Variants in GOLGA3 observed in about 807,000 individuals in gnomAD.
GOLGA3 encodes golgin subfamily A member 3.
A neutral mutation model predicts 169.4 loss-of-function variants in GOLGA3; 75 were observed. That is an observed-to-expected ratio of 0.44 (90% CI 0.37 to 0.54). The LOEUF (loss-of-function observed/expected upper bound fraction) is 0.54. Among genes scored for constraint, GOLGA3 ranks in the 20% least tolerant of loss-of-function variants. GOLGA3 has a pLI of 0.00. For missense variants in GOLGA3, 1,899 were observed against 1,930.0 expected, an observed-to-expected ratio of 0.98 and a Z score of 0.30; for synonymous variants, 824 against 822.4, an observed-to-expected ratio of 1.00 and a Z score of -0.03.
rs1593228079 is a variant in GOLGA3 at position 132,777,325 on chromosome 12, C to T, written c.3723-235G>A. ...AGATCCCAGAGACTCACTTTGCCGG[C>T]ACCCCTCACAGATCCCAGAGAGTGC... On this transcript the variant is annotated intron_variant, in intron 19 of 23. Transcript: ENST00000450791. The surrounding 1 kb of genome is among the most constrained non-coding windows in gnomAD (Gnocchi z 4.7). Among the ~76,000 whole-genome samples the T allele has an allele frequency of 6.6e-6, 1 of 152,282 alleles. No homozygotes were observed. The highest frequency in any genetic ancestry group is 2.4e-5 in the African/African-American group (1 of 41,562).
chr12:132,788,955 A>C, intron 13 of GOLGA3, 72 bp downstream of exon 13: 7 of 929,990 alleles, frequency 7.5e-6, no homozygotes, highest in African/African-American at 2.0e-5. Flanking sequence ...CCCCAGACAC[A>C]GGCCCCACCC....
In GOLGA3 at chr12:132,786,737, C is replaced by T. The variant is rs145969238; in HGVS notation, c.2862G>A (p.Glu954=). The stretch of plus-strand genomic sequence containing the variant: ...ACTCTTCGATTTGTTTCTTCAGCGC[C>T]TCATTGGCCTCTGTGACCGCGACCA... ...EQMVAVTEAN[E]ALKKQIEELQ... Residue 954 remains glutamate (E), a synonymous_variant, in exon 14 of 24, where the codon GAG becomes GAA. Coordinates refer to ENST00000450791, the MANE Select transcript of GOLGA3 (RefSeq NM_001389683.1). 721 of 1,613,590 alleles carry T rather than the reference C, an allele frequency of 4.5e-4. 1 individual carries two copies. The highest frequency in any genetic ancestry group is 5.8e-4 in the Non-Finnish European group (688 of 1,179,786).
chr12:132,807,766 C>CTTAGGCCCCCGAGGGA, intron 5 of GOLGA3, 125 bp downstream of exon 5: 1 of 206,708 alleles, frequency 4.8e-6, no homozygotes, highest in Non-Finnish European at 9.6e-6. Context: ...CTCTGCCCAC[C>CTTAGGCCCCCGAGGGA]CCGCCCCCTC....
rs759779055 is a variant in GOLGA3, at chr12:132,822,071, G to A, written c.58C>T (p.Pro20Ser). The change falls in exon 2 of 24, where the codon CCC becomes TCC. Residue 20 changes from proline (P) to serine (S), a missense_variant. Physicochemically the swap from Pro to Ser is moderately conservative, Grantham distance 74. Transcript: ENST00000450791. ...AGTGGGGCCTCGGGGAGAGACGAGG[G>A]GCCACTGTGGGATCTGTCCTCCTGG... ...GLQEDRSHSGPSSLPEAPLKP... is the reference protein window; with the variant it reads ...GLQEDRSHSGSSSLPEAPLKP... The A allele has an allele frequency of 3.1e-6, 5 of 1,606,636 alleles. No homozygotes were observed. The highest frequency in any genetic ancestry group is 4.5e-5 in the East Asian group (2 of 44,220).
At chr12:132,793,913 G>A (rs1948683799) in intron 11 of GOLGA3, among the ~76,000 whole-genome samples, 2 of 152,194 alleles carry the variant, frequency 1.3e-5, no homozygotes, top group South Asian at 4.1e-4. Context: ...TTAGGGCCTA[G>A]GTTTTCTGTC....
At chr12:132,780,250 A>T (rs1313822119) in intron 18 of GOLGA3, among the ~76,000 whole-genome samples, 1 of 152,168 alleles carries the variant, frequency 6.6e-6, no homozygotes, top group Admixed American at 6.5e-5. Context: ...CGGCAAGCGT[A>T]CTAGGAGTAG....
intron 13 of GOLGA3, 64 bp downstream of exon 13, chr12:132,788,963 C>CACAGGCCCCAT: frequency 2.1e-6 from 3 of 1,461,178 alleles, no homozygotes; most frequent in Non-Finnish European, 2.8e-6. Flanking sequence ...ACAGGCCCCA[C>CACAGGCCCCAT]CCTCCCGACA....
At chr12:132,824,955 G>A (rs941387593) in intron 1 of GOLGA3, among the ~76,000 whole-genome samples, 6 of 152,138 alleles carry the variant, frequency 3.9e-5, no homozygotes, top group African/African-American at 1.4e-4. Context: ...ACAAGGGGAG[G>A]AGCATCAGCA....
At chr12:132,815,748 A>T (rs774305298) in intron 3 of GOLGA3, among the ~76,000 whole-genome samples, 1 of 152,166 alleles carries the variant, frequency 6.6e-6, no homozygotes, top group East Asian at 1.9e-4. Flanking sequence ...CAAAAAATTA[A>T]AATTAGCCAG....
At chr12:132,799,442 T>C (rs1949025118) in intron 8 of GOLGA3, among the ~76,000 whole-genome samples, 1 of 152,214 alleles carries the variant, frequency 6.6e-6, no homozygotes, top group Non-Finnish European at 1.5e-5. Flanking sequence ...GTTCAAAACC[T>C]GCTTAGGCAA....
chr12:132,813,569 G>C, intron 3 of GOLGA3, 150 bp from the exon 4 acceptor site: 1 of 558,060 alleles, frequency 1.8e-6, no homozygotes, highest in South Asian at 2.1e-5. Flanking sequence ...ACAATTTCTA[G>C]ATCAAGAGAG....
At chr12:132,810,586 G>A (rs1300685983) in intron 4 of GOLGA3, among the ~76,000 whole-genome samples, 1 of 148,872 alleles carries the variant, frequency 6.7e-6, no homozygotes, top group Admixed American at 6.6e-5. Flanking sequence ...GGAGCTGAGG[G>A]GACACAGTGA....
Position 132,821,975 on chromosome 12 carries a change from CAG to C in GOLGA3, c.133+19_133+20del. On this transcript the variant is annotated intron_variant, in intron 2 of 23. Coordinates refer to ENST00000450791, the MANE Select transcript of GOLGA3 (RefSeq NM_001389683.1). Reference sequence around the variant, plus strand: ...ACCAGGTCCTCCTGTGACCAGCACACAGAGGAACCTCACGACTTACACTGGAC... The same window carrying C: ...ACCAGGTCCTCCTGTGACCAGCACACAGGAACCTCACGACTTACACTGGAC... 1 of 1,567,584 alleles carries C rather than the reference CAG, an allele frequency of 6.4e-7. No individual in the cohort carries two copies. The highest frequency in any genetic ancestry group is 8.7e-7 in the Non-Finnish European group (1 of 1,151,798).
At position 132,782,486 on chromosome 12, in the gene GOLGA3, T is replaced by C. The variant is rs1046311989; in HGVS notation, c.3275A>G (p.Glu1092Gly). The C allele has an allele frequency of 2.5e-6, 4 of 1,612,996 alleles. No homozygotes were observed. The highest frequency in any genetic ancestry group is 2.5e-6 in the Non-Finnish European group (3 of 1,179,046). ...KVLELEDELQ[E>G]SRGFRKKIKR... is the part of the protein sequence containing the mutation. ...TATCTTCTTCCTAAAGCCTCTGGAT[T>C]CTTGAAGCTGAAACATACCAATGTC... Residue 1092 changes from glutamate (E) to glycine (G), a missense_variant, in exon 17 of 24, where the codon GAA becomes GGA. Physicochemically the swap from Glu to Gly is moderately conservative, Grantham distance 98 (BLOSUM62 -2). Coordinates refer to ENST00000450791, the MANE Select transcript of GOLGA3 (RefSeq NM_001389683.1).
intron 16 of GOLGA3, 74 bp from the exon 17 acceptor site, chr12:132,782,567 G>T: frequency 8.2e-7 from 1 of 1,225,672 alleles, no homozygotes. Context: ...AAACAGGTGA[G>T]TTTTCAACAA....
At position 132,781,328 on chromosome 12, in the gene GOLGA3, G is replaced by A. The variant is rs937297954; in HGVS notation, c.3466-414C>T. Among the ~76,000 whole-genome samples the A allele has an allele frequency of 6.6e-5, 10 of 152,162 alleles. No individual in the cohort carries two copies. The South Asian group carries it at 1.0e-3, about 16-fold the overall frequency. ...TGTAATCCCAGCACTTTGGGAGGCCGAGGCAGGCGGATGACAGTCAGAAAA... is the reference window on the plus strand; with the variant it reads ...TGTAATCCCAGCACTTTGGGAGGCCAAGGCAGGCGGATGACAGTCAGAAAA... On this transcript the variant is annotated intron_variant, in intron 17 of 23. Coordinates refer to ENST00000450791, the MANE Select transcript of GOLGA3 (RefSeq NM_001389683.1).
intron 4 of GOLGA3, among the ~76,000 whole-genome samples, chr12:132,809,540 G>A (rs992988975): frequency 6.7e-6 from 1 of 148,876 alleles, no homozygotes; most frequent in African/African-American, 2.5e-5. Context: ...GCGTCTTCCC[G>A]TCTTCCCAGA....
In GOLGA3 at chr12:132,813,343, C is replaced by T. The variant is rs747493385; in HGVS notation, c.483G>A (p.Gln161=). The T allele has an allele frequency of 2.5e-6, 4 of 1,613,170 alleles. No homozygotes were observed. The highest frequency in any genetic ancestry group is 2.7e-5 in the African/African-American group (2 of 74,888). The part of the protein sequence containing the change: ...RLQARKWLEE[Q]LKQYRVKRQQ... The stretch of plus-strand genomic sequence containing the variant: ...GGCGCTTCACCCTGTACTGTTTGAG[C>T]TGCTCTTCCAGCCACTTCCGAGCCT... Residue 161 remains glutamine, a synonymous_variant, in exon 4 of 24, where the codon CAG becomes CAA. Coordinates refer to ENST00000450791, the MANE Select transcript of GOLGA3 (RefSeq NM_001389683.1).
At chr12:132,778,637 A>G (rs2045377560) in intron 18 of GOLGA3, among the ~76,000 whole-genome samples, 1 of 151,700 alleles carries the variant, frequency 6.6e-6, no homozygotes, top group Non-Finnish European at 1.5e-5. Flanking sequence ...CATTTAAAAA[A>G]TAAAAATAAA....
Sources: allele counts gnomAD v4.1 joint callset (sites outside exome capture counted in the v4.1 genomes callset), GRCh38; gene constraint gnomAD v4.1.1; non-coding constraint Gnocchi (gnomAD v3.1); transcripts MANE v1.5; gene names NCBI Gene and HGNC (gene_info 2026-07-23, HGNC 2026-07-21).